Variants in GMDS observed in about 807,000 individuals in gnomAD.
GMDS encodes the protein GDP-mannose 4,6-dehydratase.
In GMDS, 20 loss-of-function variants were observed where a neutral mutation model predicts 49.9. The ratio of observed to expected loss-of-function variants is 0.40; its 90% CI spans 0.28 to 0.58. The LOEUF is 0.58. Among genes scored for constraint, GMDS ranks in the 20% least tolerant of loss-of-function variants. The pLI is 0.42. For synonymous variants in GMDS, 177 were observed against 178.6 expected (o/e 0.99, Z 0.07); for missense variants, 362 against 481.4 (o/e 0.75, Z 2.32).
At chr6:2,218,572 T>C (rs1358002598) in intron 1 of GMDS, among the ~76,000 whole-genome samples, 1 of 152,232 alleles carries the variant, frequency 6.6e-6, no homozygotes. Flanking sequence ...CACTTTTACA[T>C]CTTGCAATGG....
In GMDS at chr6:1,833,925, T is replaced by C. The variant is rs3800087; in HGVS notation, c.772-91339A>G. Among the ~76,000 whole-genome samples the C allele has an allele frequency of 0.081, 12,331 of 152,250 alleles. 614 individuals are homozygous for C. Among genetic ancestry groups the C allele is most frequent in the East Asian group, 0.22 (1,136 of 5,182 alleles). ...TTAAAATCACAATGCATATATCGCATCAAATCCATAGAACAACTCTAATAT... is the reference window on the plus strand; with the variant it reads ...TTAAAATCACAATGCATATATCGCACCAAATCCATAGAACAACTCTAATAT... On this transcript the variant is annotated intron_variant, in intron 7 of 10. Transcript: ENST00000380815. This position sits in a 1 kb window ranked among gnomAD's most constrained non-coding sequence, Gnocchi z 4.4.
chr6:2,204,484 G>A (rs1270695237), intron 1 of GMDS, among the ~76,000 whole-genome samples: 2 of 152,170 alleles, frequency 1.3e-5, no homozygotes, highest in African/African-American at 2.4e-5. Context: ...GTTATGATAC[G>A]AAGTCCCTGC....
At position 1,624,120 on chromosome 6, in the gene GMDS, ACT is replaced by A. The variant is rs761385469; in HGVS notation, c.*47_*48del. On this transcript the variant is annotated 3_prime_UTR_variant, in exon 11 of 11. Coordinates refer to ENST00000380815, the MANE Select transcript of GMDS (RefSeq NM_001500.4). Reference sequence around the variant, plus strand: ...TCCCCGCAGCGCGTCTGCACCGGAGACTCTGCGGGGATTGTAGCCGGAGGGCG... The same window carrying A: ...TCCCCGCAGCGCGTCTGCACCGGAGACTGCGGGGATTGTAGCCGGAGGGCG... 43 of 1,536,650 alleles carry A rather than the reference ACT, an allele frequency of 2.8e-5. No individual in the cohort carries two copies. The highest frequency in any genetic ancestry group is 2.2e-4 in the East Asian group (10 of 44,486).
chr6:1,813,761 T>C (rs1361053270), intron 7 of GMDS, among the ~76,000 whole-genome samples: 1 of 152,244 alleles, frequency 6.6e-6, no homozygotes, highest in Non-Finnish European at 1.5e-5. Context: ...ATGTATTATT[T>C]TTTTTAATTC....
At chr6:2,047,419 G>A (rs1258565703) in intron 4 of GMDS, among the ~76,000 whole-genome samples, 3 of 152,162 alleles carry the variant, frequency 2.0e-5, no homozygotes, top group African/African-American at 2.4e-5. Context: ...AATTTAGTAC[G>A]GAATTCCTCC....
chr6:2,075,251 T>A (rs552943815), intron 4 of GMDS, among the ~76,000 whole-genome samples: 2 of 143,010 alleles, frequency 1.4e-5, no homozygotes, highest in African/African-American at 2.7e-5. Context: ...ATGCTATAAA[T>A]TTTTTTTTTT....
intron 8 of GMDS, among the ~76,000 whole-genome samples, chr6:1,737,808 TACAC>T (rs1168404321): frequency 5.5e-5 from 5 of 91,050 alleles, no homozygotes; most frequent in Middle Eastern, 0.021. Flanking sequence ...TACACACACA[TACAC>T]ACACACCACA....
intron 4 of GMDS, among the ~76,000 whole-genome samples, chr6:2,053,710 G>A (rs1161079507): frequency 1.3e-5 from 2 of 151,914 alleles, no homozygotes; most frequent in South Asian, 4.1e-4. Flanking sequence ...TGAGAAATAA[G>A]GGATTAAACA....
At chr6:1,906,825 C>T (rs531879844) in intron 7 of GMDS, among the ~76,000 whole-genome samples, 7 of 152,314 alleles carry the variant, frequency 4.6e-5, no homozygotes, top group African/African-American at 1.7e-4. Context: ...CCAACGGTCC[C>T]AGGCTACTCA....
At chr6:2,203,016 T>C (rs1441509180) in intron 1 of GMDS, among the ~76,000 whole-genome samples, 1 of 152,216 alleles carries the variant, frequency 6.6e-6, no homozygotes, top group Non-Finnish European at 1.5e-5. Flanking sequence ...GCAAGGTTTC[T>C]AAGAACCGTT....
At chr6:2,140,526 C>T (rs56231942) in intron 1 of GMDS, among the ~76,000 whole-genome samples, 3 of 152,038 alleles carry the variant, frequency 2.0e-5, no homozygotes, top group Non-Finnish European at 2.9e-5. Flanking sequence ...ACATGCAAAG[C>T]GACCTTGTGA....
intron 9 of GMDS, among the ~76,000 whole-genome samples, chr6:1,717,183 A>C (rs1766205596): frequency 6.6e-6 from 1 of 152,200 alleles, no homozygotes; most frequent in South Asian, 2.1e-4. Flanking sequence ...TGGTCTTCTG[A>C]CCTCCAGAAC....
At chr6:1,813,016 G>A (rs772359479) in intron 7 of GMDS, among the ~76,000 whole-genome samples, 30 of 151,916 alleles carry the variant, frequency 2.0e-4, no homozygotes, top group African/African-American at 4.6e-4. Context: ...TGAGGCGGTC[G>A]AGACCAGCTG....
chr6:1,953,710 T>C (rs945622430), intron 6 of GMDS, among the ~76,000 whole-genome samples: 1 of 152,220 alleles, frequency 6.6e-6, no homozygotes, highest in African/African-American at 2.4e-5. Flanking sequence ...CTTTACTAAA[T>C]AGGCTTGCTT....
chr6:1,875,383 TG>T (rs1399619960), intron 7 of GMDS, among the ~76,000 whole-genome samples: 3 of 151,918 alleles, frequency 2.0e-5, no homozygotes, highest in Non-Finnish European at 4.4e-5. Flanking sequence ...ACAAACTCTC[TG>T]AATGTTAGAA....
At chr6:1,866,209 T>C (rs1481354977) in intron 7 of GMDS, among the ~76,000 whole-genome samples, 2 of 152,236 alleles carry the variant, frequency 1.3e-5, no homozygotes, top group African/African-American at 2.4e-5. Context: ...AAAATGTTTA[T>C]ATAGTAATTA....
chr6:2,068,945 G>A (rs1271362550), intron 4 of GMDS, among the ~76,000 whole-genome samples: 1 of 152,148 alleles, frequency 6.6e-6, no homozygotes, highest in Non-Finnish European at 1.5e-5. Flanking sequence ...CCAAAAAACA[G>A]CCTGCATCGC....
intron 6 of GMDS, among the ~76,000 whole-genome samples, chr6:1,936,168 T>C (rs969004695): frequency 2.6e-5 from 4 of 152,212 alleles, no homozygotes; most frequent in Admixed American, 6.5e-5. Context: ...GCAAGTGTTT[T>C]AATTTCTCAG....
rs147242144 is a variant in GMDS at position 2,023,298 on chromosome 6, T to C, written c.346-62332A>G. ...CCATCTTTACATATACTCGAACCTC[T>C]TTCATTAATGATGATGGCCATAAGC... On this transcript the variant is annotated intron_variant, in intron 4 of 10. Transcript: ENST00000380815. Among the ~76,000 whole-genome samples the C allele has an allele frequency of 4.1e-3, 631 of 152,380 alleles. 8 individuals are homozygous for C. The highest frequency in any genetic ancestry group is 0.014 in the African/African-American group (584 of 41,592).
Sources: gnomAD v4.1 joint callset for allele counts (sites outside exome capture counted in the v4.1 genomes callset) on GRCh38, gnomAD v4.1.1 for gene constraint, Gnocchi (gnomAD v3.1) non-coding constraint, MANE v1.5 for transcripts, NCBI Gene and HGNC (gene_info 2026-07-23, HGNC 2026-07-21) for gene names.